Variants in TNRC6A observed in about 807,000 individuals in gnomAD.
TNRC6A encodes trinucleotide repeat-containing gene 6A protein.
In TNRC6A, 44 loss-of-function variants were observed where a neutral mutation model predicts 221.2. That is an observed-to-expected ratio of 0.20 (90% CI 0.16 to 0.26). The LOEUF is 0.26. Ranked by LOEUF, TNRC6A falls within the 10% of genes least tolerant of loss-of-function variation. TNRC6A has a pLI of 1.00. For synonymous variants in TNRC6A, 847 were observed against 838.5 expected (o/e 1.01, Z -0.18); for missense variants, 2,199 against 2,404.4 (o/e 0.91, Z 1.79).
At chr16:24,757,681 A>G (rs1374825338) in intron 3 of TNRC6A, among the ~76,000 whole-genome samples, 4 of 152,356 alleles carry the variant, frequency 2.6e-5, no homozygotes. Context: ...AAGAGCAGAC[A>G]TTGGAAGGCA....
At chr16:24,750,930 T>G in intron 3 of TNRC6A, 117 bp downstream of exon 3, 1 of 985,306 alleles carries the variant, frequency 1.0e-6, no homozygotes, top group Non-Finnish European at 1.4e-6. Flanking sequence ...TAATGGAGAT[T>G]CATTTTAATA....
intron 2 of TNRC6A, among the ~76,000 whole-genome samples, chr16:24,699,460 G>A (rs1357579988): frequency 2.0e-5 from 3 of 152,272 alleles, no homozygotes; most frequent in Non-Finnish European, 2.9e-5. Flanking sequence ...TCTCACACCT[G>A]TAATGCCAGC....
chr16:24,640,644 G>A lies in TNRC6A; in HGVS notation n.277-240G>A, dbSNP rs867232445. ...CTTGGGAGGCTGTGGCAGGAGGATCGCCTGAGCCCGGGAGGCGGAAGTTGC... is the reference window on the plus strand; with the variant it reads ...CTTGGGAGGCTGTGGCAGGAGGATCACCTGAGCCCGGGAGGCGGAAGTTGC... On this transcript the variant is annotated intron_variant and non_coding_transcript_variant, in intron 1 of 2. Coordinates refer to the TNRC6A transcript ENST00000566108. 2.0e-5 allele frequency among the ~76,000 whole-genome samples: 3 copies of A among 150,734 alleles called. 1 individual carries two copies. The highest frequency in any genetic ancestry group is 4.9e-5 in the African/African-American group (2 of 40,910).
chr16:24,706,093 C>T (rs568129678), intron 2 of TNRC6A, among the ~76,000 whole-genome samples: 5 of 152,084 alleles, frequency 3.3e-5, no homozygotes, highest in Non-Finnish European at 7.4e-5. Context: ...ATAGCACCAA[C>T]GCTCACACTT....
chr16:24,713,126 T>TA (rs1189314513), intron 2 of TNRC6A, among the ~76,000 whole-genome samples: 8 of 151,960 alleles, frequency 5.3e-5, no homozygotes, highest in Non-Finnish European at 1.0e-4. Context: ...TTGCAGGTAA[T>TA]AAAAAATCTC....
At chr16:24,713,452 A>AC (rs1555493092) in intron 2 of TNRC6A, among the ~76,000 whole-genome samples, 1,758 of 135,848 alleles carry the variant, frequency 0.013, 33 homozygotes, top group African/African-American at 0.048. Context: ...AAACAAACAA[A>AC]AAAATATATA....
intron 2 of TNRC6A, among the ~76,000 whole-genome samples, chr16:24,703,938 A>G (rs12930478): frequency 2.6e-5 from 4 of 151,812 alleles, no homozygotes; most frequent in Non-Finnish European, 5.9e-5. Context: ...AGAAAGATCA[A>G]CTGGGCGTGG....
chr16:24,804,504 A>G, intron 12 of TNRC6A, 185 bp downstream of exon 12: 3 of 1,101,780 alleles, frequency 2.7e-6, no homozygotes, highest in Admixed American at 6.6e-5. Context: ...TTGCATTTAT[A>G]TTTTTCTTCT....
intron 9 of TNRC6A, among the ~76,000 whole-genome samples, chr16:24,796,903 C>G (rs2058231561): frequency 6.6e-6 from 1 of 152,316 alleles, no homozygotes; most frequent in South Asian, 2.1e-4. Flanking sequence ...ACCACCCATA[C>G]CCCAACCAGC....
At chr16:24,669,021 T>G (rs2055233640) in intron 2 of TNRC6A, among the ~76,000 whole-genome samples, 1 of 152,004 alleles carries the variant, frequency 6.6e-6, no homozygotes, top group African/African-American at 2.4e-5. Flanking sequence ...TAATTTCACA[T>G]TTTCCACAGT....
chr16:24,747,656 T>G (rs956234621), intron 2 of TNRC6A, among the ~76,000 whole-genome samples: 1 of 152,184 alleles, frequency 6.6e-6, no homozygotes, highest in Non-Finnish European at 1.5e-5. Context: ...CCAGTTGGCT[T>G]TCTCTGAAGG....
At chr16:24,757,331 G>A (rs528305447) in intron 3 of TNRC6A, among the ~76,000 whole-genome samples, 1 of 152,116 alleles carries the variant, frequency 6.6e-6, no homozygotes, top group Non-Finnish European at 1.5e-5. Flanking sequence ...ATCTATAATA[G>A]TATAATTTAA....
intron 2 of TNRC6A, among the ~76,000 whole-genome samples, chr16:24,680,678 T>C (rs1181621380): frequency 1.4e-5 from 2 of 146,618 alleles, no homozygotes; most frequent in Non-Finnish European, 3.0e-5. Context: ...ATCCTGCCAC[T>C]GCACTCCAGC....
chr16:24,654,352 C>T (rs573670923), intron 2 of TNRC6A, among the ~76,000 whole-genome samples: 45 of 152,302 alleles, frequency 3.0e-4, no homozygotes, highest in African/African-American at 1.1e-3. Context: ...AATGGCTAAG[C>T]TCAACACCTT....
intron 18 of TNRC6A, among the ~76,000 whole-genome samples, chr16:24,812,175 G>C (rs1257436545): frequency 6.6e-6 from 1 of 151,394 alleles, no homozygotes; most frequent in East Asian, 1.9e-4. Flanking sequence ...TCAGCCTCCT[G>C]AGTATAGCTG....
intron 2 of TNRC6A, among the ~76,000 whole-genome samples, chr16:24,676,020 A>G (rs1451851212): frequency 6.6e-6 from 1 of 151,944 alleles, no homozygotes; most frequent in Admixed American, 6.6e-5. Flanking sequence ...GGCTAAATGG[A>G]AAAGGAAGGG....
At chr16:24,617,979 C>T (rs1269125374) in intron 1 of TNRC6A, among the ~76,000 whole-genome samples, 1 of 152,202 alleles carries the variant, frequency 6.6e-6, no homozygotes, top group African/African-American at 2.4e-5. Context: ...CAGCTCGTAA[C>T]CTCTGCCTCC....
upstream of TNRC6A, among the ~76,000 whole-genome samples, chr16:24,726,890 T>G (rs1052772940): frequency 6.6e-6 from 1 of 152,214 alleles, no homozygotes; most frequent in African/African-American, 2.4e-5. Flanking sequence ...TTTTCTTCGA[T>G]GTATGCACCA....
At chr16:24,658,287 A>G (rs74534848) in intron 2 of TNRC6A, among the ~76,000 whole-genome samples, 76 of 152,246 alleles carry the variant, frequency 5.0e-4, no homozygotes, top group African/African-American at 1.7e-3. Flanking sequence ...ATTTCATTGC[A>G]CAGTTTTGCA....
Sources: gnomAD v4.1 joint callset for allele counts (sites outside exome capture counted in the v4.1 genomes callset) on GRCh38, gnomAD v4.1.1 for gene constraint, MANE v1.5 for transcripts, NCBI Gene and HGNC (gene_info 2026-07-23, HGNC 2026-07-21) for gene names.